PTPRS: variants seen among roughly 807,000 people sequenced by gnomAD.
PTPRS encodes the protein receptor-type tyrosine-protein phosphatase S.
In PTPRS, 63 loss-of-function variants were observed where a neutral mutation model predicts 215.3. The ratio of observed to expected loss-of-function variants is 0.29; its 90% confidence interval spans 0.24 to 0.36. The LOEUF (loss-of-function observed/expected upper bound fraction) is 0.36, where lower values mean the gene tolerates loss of function less well. PTPRS is among the 10% of genes least tolerant of loss of function. PTPRS has a pLI of 1.00. For synonymous variants in PTPRS, 1,404 were observed against 1,191.4 expected, an observed-to-expected ratio of 1.18 and a Z score of -3.68; for missense variants, 2,258 against 2,825.8, an observed-to-expected ratio of 0.80 and a Z score of 4.56.
chr19:5,312,879 C>A (rs931789654), intron 1 of PTPRS, among the ~76,000 whole-genome samples: 20 of 152,126 alleles, frequency 1.3e-4, no homozygotes, highest in Non-Finnish European at 2.8e-4. Context: ...AGAGGGGGGA[C>A]ATGAGTCCAG....
chr19:5,335,450 A>C (rs542308705), intron 1 of PTPRS, among the ~76,000 whole-genome samples: 1 of 152,296 alleles, frequency 6.6e-6, no homozygotes, highest in South Asian at 2.1e-4. Context: ...CTCATTCTGT[A>C]AGTGAGGAAG....
In PTPRS at chr19:5,315,355, T is replaced by C. The variant is rs1176172171; in HGVS notation, c.-95+25309A>G. ...GAGAATTTTTATTTGAAAAGGGTTT[T>C]TTTTTTTTTTTTTTTTTTTTTTTTT... On this transcript the variant is annotated intron_variant, in intron 1 of 37. Coordinates refer to ENST00000262963, the MANE Select transcript of PTPRS (RefSeq NM_002850.4). Among the ~76,000 whole-genome samples the C allele has an allele frequency of 3.8e-4, 30 of 79,652 alleles. 5 individuals are homozygous for C. The highest frequency in any genetic ancestry group is 1.6e-3 in the African/African-American group (23 of 14,696). The allele number at this position is 79,652 out of a possible 152,430, so 52.3% of individuals were successfully genotyped here. A position where few individuals can be genotyped will look rare whatever the true frequency, so the allele number is the denominator to read the frequency against.
intron 13 of PTPRS, among the ~76,000 whole-genome samples, 162 bp from the exon 14 acceptor site, chr19:5,231,777 G>A (rs961058822): frequency 1.4e-5 from 2 of 147,882 alleles, no homozygotes; most frequent in Non-Finnish European, 3.0e-5. Context: ...AGAAGTGGGT[G>A]TCAACCAAAG....
At chr19:5,221,552 C>A (rs941298463) in intron 19 of PTPRS, among the ~76,000 whole-genome samples, 3 of 152,072 alleles carry the variant, frequency 2.0e-5, no homozygotes, top group African/African-American at 4.8e-5. Context: ...CCCGACTGAG[C>A]CCCAATCCCA....
intron 13 of PTPRS, among the ~76,000 whole-genome samples, chr19:5,236,402 G>C (rs954353093): frequency 1.3e-4 from 20 of 152,338 alleles, no homozygotes; most frequent in African/African-American, 4.6e-4. Context: ...GTTTGAGGTT[G>C]GCAGCTCAGA....
At chr19:5,273,406 C>T in intron 4 of PTPRS, 36 bp downstream of exon 4, 1 of 1,613,662 alleles carries the variant, frequency 6.2e-7, no homozygotes. Context: ...GCCCAGGGCC[C>T]AGTTTATCCT....
At chr19:5,284,606 C>T (rs1033955069) in intron 2 of PTPRS, among the ~76,000 whole-genome samples, 6 of 152,004 alleles carry the variant, frequency 3.9e-5, no homozygotes, top group Non-Finnish European at 7.4e-5. Context: ...TTCACCTCAT[C>T]AGGGTGCGGT....
chr19:5,301,317 G>GTTT (rs200496781), intron 1 of PTPRS, among the ~76,000 whole-genome samples: 5 of 137,458 alleles, frequency 3.6e-5, no homozygotes, highest in African/African-American at 8.1e-5. Flanking sequence ...AGTTGTTGCT[G>GTTT]TTTTTTTTTT....
At chr19:5,260,132 G>A (rs1364234702) in intron 7 of PTPRS, among the ~76,000 whole-genome samples, 1 of 151,854 alleles carries the variant, frequency 6.6e-6, no homozygotes, top group Admixed American at 6.6e-5. Context: ...CTCCAGATCA[G>A]AAAGAACTGT....
chr19:5,239,183 G>GAC (rs1284786164), intron 12 of PTPRS, 120 bp from the exon 13 acceptor site: 389 of 693,002 alleles, frequency 5.6e-4, no homozygotes, highest in Non-Finnish European at 7.9e-4. Flanking sequence ...GAGAGAGAGA[G>GAC]AGAGACAGAG....
chr19:5,281,956 C>A (rs559719994), intron 2 of PTPRS, among the ~76,000 whole-genome samples: 1 of 152,320 alleles, frequency 6.6e-6, no homozygotes, highest in African/African-American at 2.4e-5. Context: ...CTCAGCTCGG[C>A]CAGCACCTCC....
At chr19:5,265,431 A>G (rs898308127) in intron 4 of PTPRS, among the ~76,000 whole-genome samples, 4 of 152,000 alleles carry the variant, frequency 2.6e-5, no homozygotes, top group Admixed American at 6.6e-5. Flanking sequence ...AGTCTCAACA[A>G]CCTGGGCTCA....
At chr19:5,267,670 AG>A (rs1305057453) in intron 4 of PTPRS, among the ~76,000 whole-genome samples, 5 of 144,072 alleles carry the variant, frequency 3.5e-5, no homozygotes, top group Non-Finnish European at 4.6e-5. Context: ...AAAAAAAAAA[AG>A]AGATTAGGAA....
In PTPRS at chr19:5,286,107, C is replaced by G. The variant is rs1232964311; in HGVS notation, c.34G>C (p.Val12Leu). The change falls in exon 2 of 38, where the codon GTG becomes CTG. Residue 12 changes from valine to leucine, a missense_variant. By Grantham distance (32) the Val-to-Leu change is conservative. Coordinates refer to ENST00000262963, the MANE Select transcript of PTPRS (RefSeq NM_002850.4). ...ACAAGGAGGCCCATGGGACCAACCACAGACACCATGCCAGGGCCCCAGGTG... is the reference window on the plus strand; with the variant it reads ...ACAAGGAGGCCCATGGGACCAACCAGAGACACCATGCCAGGGCCCCAGGTG... ...APTWGPGMVS[V>L]VGPMGLLVVL... The G allele has an allele frequency of 6.2e-7, 1 of 1,614,188 alleles. No homozygotes were observed. Among genetic ancestry groups the G allele is most frequent in the Non-Finnish European group, 8.5e-7 (1 of 1,180,026 alleles).
rs762760744 is a variant in PTPRS, at chr19:5,210,692, C to T, written c.5348G>A (p.Arg1783Gln). The T allele has an allele frequency of 3.2e-5, 52 of 1,614,042 alleles. No homozygotes were observed. The highest frequency in any genetic ancestry group is 1.6e-4 in the Middle Eastern group (1 of 6,084). The change falls in exon 34 of 38, where the codon CGG becomes CAG. Residue 1783 changes from arginine to glutamine, a missense_variant. By Grantham distance (43) the Arg-to-Gln change is conservative (BLOSUM62 1). This residue lies in a region of PTPRS where 927 missense variants were observed against 1,125.9 expected (regional missense o/e 0.82). Coordinates refer to ENST00000262963, the MANE Select transcript of PTPRS (RefSeq NM_002850.4). The surrounding 1 kb of genome is among the most constrained non-coding windows in gnomAD (Gnocchi z 4.5). Reference sequence around the variant, plus strand: ...CCCCTAGCTCACCCGGCCCATCTCCCGCAGCTTGGTCAGCATCACCACGAT... The same window carrying T: ...CCCCTAGCTCACCCGGCCCATCTCCTGCAGCTTGGTCAGCATCACCACGAT... ...STIVVMLTKL[R>Q]EMGREKCHQY...
At chr19:5,281,255 G>A (rs2047825993) in intron 2 of PTPRS, among the ~76,000 whole-genome samples, 1 of 151,834 alleles carries the variant, frequency 6.6e-6, no homozygotes, top group Non-Finnish European at 1.5e-5. Context: ...GAGGTCAGGA[G>A]TTCGAGACCA....
At chr19:5,249,765 A>G (rs1276092499) in intron 9 of PTPRS, among the ~76,000 whole-genome samples, 1 of 152,234 alleles carries the variant, frequency 6.6e-6, no homozygotes, top group Non-Finnish European at 1.5e-5. Flanking sequence ...AGAAGCCATC[A>G]GTAAAAGGCT....
chr19:5,317,761 C>G (rs972245892), intron 1 of PTPRS, among the ~76,000 whole-genome samples: 1 of 152,124 alleles, frequency 6.6e-6, no homozygotes, highest in African/African-American at 2.4e-5. Context: ...AGTAAGGGGC[C>G]AGGTGCAGTG....
At chr19:5,207,739 C>G (rs913779162) in intron 37 of PTPRS, among the ~76,000 whole-genome samples, 183 bp downstream of exon 37, 32 of 152,240 alleles carry the variant, frequency 2.1e-4, no homozygotes, top group Non-Finnish European at 4.6e-4. Flanking sequence ...TGACCTTCAG[C>G]TGACTGTTGT....
Sources: allele counts gnomAD v4.1 joint callset (sites outside exome capture counted in the v4.1 genomes callset), GRCh38; gene constraint gnomAD v4.1.1; regional missense constraint gnomAD v4.1.1; non-coding constraint Gnocchi (gnomAD v3.1); transcripts MANE v1.5; gene names NCBI Gene and HGNC (gene_info 2026-07-23, HGNC 2026-07-21).